SLC22A25: variants seen among roughly 807,000 people sequenced by gnomAD.
The protein encoded by SLC22A25 is MGI:2442751, MGI:2385316, MGI:3042283, MGI:3645714, MGI:3605624, MGI:2442750.
Under a neutral mutation model 45.9 loss-of-function variants are expected in SLC22A25, and 44 were observed. The ratio of observed to expected loss-of-function variants is 0.96; its 90% confidence interval spans 0.75 to 1.23. SLC22A25 has a LOEUF of 1.23. SLC22A25 is among the 50% of genes most tolerant of loss of function. SLC22A25 has a pLI of 0.00. For synonymous variants in SLC22A25, 283 were observed against 238.6 expected, an observed-to-expected ratio of 1.19 and a Z score of -1.72; for missense variants, 800 against 666.4, an observed-to-expected ratio of 1.20 and a Z score of -2.21.
At chr11:63,209,806 A>G (rs55963399) in intron 7 of SLC22A25, among the ~76,000 whole-genome samples, 51,578 of 152,102 alleles carry the variant, frequency 0.34, 9,177 homozygotes, top group East Asian at 0.56. Context: ...CCAGATTGTC[A>G]ACAACTTTTG....
At chr11:63,164,154 T>C (rs755174312) in intron 11 of SLC22A25, 81 bp from the exon 12 acceptor site, 234 of 1,498,704 alleles carry the variant, frequency 1.6e-4, no homozygotes, top group Non-Finnish European at 2.1e-4. Flanking sequence ...GCTGTGATTA[T>C]GGATGAGCAC....
chr11:63,234,806 T>A (rs1455566566), intron 3 of SLC22A25, among the ~76,000 whole-genome samples: 3 of 152,372 alleles, frequency 2.0e-5, no homozygotes, highest in African/African-American at 7.2e-5. Flanking sequence ...TAGTGCTTCC[T>A]TCAGGAGCTC....
At chr11:63,243,236 T>C (rs1590931872) in intron 1 of SLC22A25, 198 bp downstream of exon 1, 1 of 327,298 alleles carries the variant, frequency 3.1e-6, no homozygotes. Flanking sequence ...CAGAAGGCCA[T>C]CCAGCCGTAC....
chr11:63,229,383 G>A lies in SLC22A25; in HGVS notation c.270C>T (p.Arg90=). 3 of 1,614,136 alleles carry A rather than the reference G, an allele frequency of 1.9e-6. No homozygotes were observed. The highest frequency in any genetic ancestry group is 2.5e-6 in the Non-Finnish European group (3 of 1,179,980). The change falls in exon 4 of 12, where the codon CGC becomes CGT. Residue 90 remains arginine (R), a synonymous_variant. Transcript: ENST00000306494. ...DSNLRPEKCR[R]FVHPQWKLIH... ...TGAGCTTCCACTGGGGATGGACAAAGCGACGACACTTCTCTGGCCTCAGAT... is the reference window on the plus strand; with the variant it reads ...TGAGCTTCCACTGGGGATGGACAAAACGACGACACTTCTCTGGCCTCAGAT...
chr11:63,221,072 G>A (rs537437864), intron 5 of SLC22A25, among the ~76,000 whole-genome samples: 184 of 152,240 alleles, frequency 1.2e-3, no homozygotes, highest in African/African-American at 4.3e-3. Flanking sequence ...TGTGAATAGT[G>A]CTGCAATAAA....
chr11:63,240,605 G>T (rs999859215), intron 1 of SLC22A25, among the ~76,000 whole-genome samples: 1 of 151,866 alleles, frequency 6.6e-6, no homozygotes, highest in Non-Finnish European at 1.5e-5. Context: ...AGCTGTACAA[G>T]AATTTTTTTA....
intron 7 of SLC22A25, among the ~76,000 whole-genome samples, chr11:63,202,641 A>G (rs1326999927): frequency 6.6e-6 from 1 of 152,238 alleles, no homozygotes; most frequent in African/African-American, 2.4e-5. Context: ...TCTAAAAGAA[A>G]GGAAGCAGCC....
intron 7 of SLC22A25, among the ~76,000 whole-genome samples, chr11:63,215,340 C>G (rs2089682596): frequency 6.6e-6 from 1 of 152,076 alleles, no homozygotes; most frequent in African/African-American, 2.4e-5. Context: ...GAACAGAAAA[C>G]CAAACACCAC....
chr11:63,232,845 T>G (rs901525091), intron 3 of SLC22A25, among the ~76,000 whole-genome samples: 1 of 152,066 alleles, frequency 6.6e-6, no homozygotes, highest in Non-Finnish European at 1.5e-5. Flanking sequence ...TAGCATGAAG[T>G]GTTGTTGCAT....
At chr11:63,217,940 G>T (rs1189969768) in intron 5 of SLC22A25, 2 of 671,182 alleles carry the variant, frequency 3.0e-6, no homozygotes, top group East Asian at 2.8e-5. Context: ...GTGTATAAAA[G>T]TTTCTTCTCC....
chr11:63,190,581 G>A (rs1286971839), intron 7 of SLC22A25, among the ~76,000 whole-genome samples: 1 of 151,998 alleles, frequency 6.6e-6, no homozygotes, highest in South Asian at 2.1e-4. Context: ...TTGTTCCATT[G>A]CTGGTGAGGA....
At chr11:63,190,330 A>C (rs886679892) in intron 7 of SLC22A25, among the ~76,000 whole-genome samples, 30 of 151,972 alleles carry the variant, frequency 2.0e-4, no homozygotes, top group Admixed American at 2.0e-3. Context: ...CTTCCAGTTG[A>C]TTGAATCGGC....
At chr11:63,192,395 C>T (rs1323509314) in intron 7 of SLC22A25, among the ~76,000 whole-genome samples, 1 of 152,046 alleles carries the variant, frequency 6.6e-6, no homozygotes, top group Non-Finnish European at 1.5e-5. Context: ...CACTGAAGTA[C>T]ACAGGACAGA....
At chr11:63,213,047 A>G (rs1175999100) in intron 7 of SLC22A25, among the ~76,000 whole-genome samples, 1 of 152,208 alleles carries the variant, frequency 6.6e-6, no homozygotes, top group African/African-American at 2.4e-5. Context: ...TCTATGATTC[A>G]TGGTATCCCA....
At chr11:63,191,602 T>C (rs1250495537) in intron 7 of SLC22A25, among the ~76,000 whole-genome samples, 1 of 152,138 alleles carries the variant, frequency 6.6e-6, no homozygotes, top group Non-Finnish European at 1.5e-5. Context: ...GGTACCTCAG[T>C]TGGAAATGCA....
rs1233320324 is a variant in SLC22A25 at position 63,159,948 on chromosome 11, CT to C, written c.*3875del. Among the ~76,000 whole-genome samples, 1 of 152,104 alleles carries C rather than the reference CT, an allele frequency of 6.6e-6. No individual in the cohort carries two copies. The highest frequency in any genetic ancestry group is 2.4e-5 in the African/African-American group (1 of 41,426). ...TCCTAGAGATTTGTGGAACTTTGAA[CT>C]TGAGTAAGATGATTTAGGGTATCTG... On this transcript the variant is annotated 3_prime_UTR_variant, in exon 12 of 12. Transcript: ENST00000306494.
rs191437911 is a variant in SLC22A25, at chr11:63,161,407, G to A, written c.*2417C>T. Among the ~76,000 whole-genome samples the A allele has an allele frequency of 3.3e-5, 5 of 152,200 alleles. No individual in the cohort carries two copies. The East Asian group carries it at 7.7e-4, about 24-fold the overall frequency. On this transcript the variant is annotated 3_prime_UTR_variant, in exon 12 of 12. Coordinates refer to ENST00000306494, the MANE Select transcript of SLC22A25 (RefSeq NM_199352.6). ...AAATGTGAGGACATGAGATTTGGGA[G>A]GGGCCAGGGGCAGAATGATATGGTT...
At chr11:63,211,179 C>G (rs2089549063) in intron 7 of SLC22A25, among the ~76,000 whole-genome samples, 1 of 152,148 alleles carries the variant, frequency 6.6e-6, no homozygotes, top group South Asian at 2.1e-4. Flanking sequence ...AACCCTCATG[C>G]TGCCTCGGTA....
At position 63,159,188 on chromosome 11, in the gene SLC22A25, T is replaced by C. The variant is rs888483897; in HGVS notation, c.*4636A>G. Reference sequence around the variant, plus strand: ...GGACACTTAGGTTGCTTCCAAACCTTGGCCATTGTGAACAGTTCTGCAACA... The same window carrying C: ...GGACACTTAGGTTGCTTCCAAACCTCGGCCATTGTGAACAGTTCTGCAACA... On this transcript the variant is annotated 3_prime_UTR_variant, in exon 12 of 12. Coordinates refer to ENST00000306494, the MANE Select transcript of SLC22A25 (RefSeq NM_199352.6). 6.6e-6 allele frequency among the ~76,000 whole-genome samples: 1 copy of C among 152,216 alleles called. No individual in the cohort carries two copies. Among genetic ancestry groups the C allele is most frequent in the African/African-American group, 2.4e-5 (1 of 41,466 alleles).
Sources: allele counts gnomAD v4.1 joint callset (sites outside exome capture counted in the v4.1 genomes callset), GRCh38; gene constraint gnomAD v4.1.1; transcripts MANE v1.5; gene names NCBI Gene and HGNC (gene_info 2026-07-23, HGNC 2026-07-21).